Variants in LIMCH1 observed in about 807,000 individuals in gnomAD.
The protein encoded by LIMCH1 is LIM and calponin homology domains-containing protein 1.
In LIMCH1, 113 loss-of-function variants were observed where a neutral mutation model predicts 176.5. That is an observed-to-expected ratio of 0.64 (90% CI 0.55 to 0.75). The LOEUF (loss-of-function observed/expected upper bound fraction) is 0.75, where lower values mean the gene tolerates loss of function less well. Among genes scored for constraint, LIMCH1 ranks in the 30% least tolerant of loss-of-function variants. The pLI is 0.00. For missense variants in LIMCH1, 1,674 were observed against 1,814.9 expected (o/e 0.92, Z 1.41); for synonymous variants, 619 against 645.9 (o/e 0.96, Z 0.63).
chr4:41,452,895 G>A (rs2154147746), intron 1 of LIMCH1, among the ~76,000 whole-genome samples: 1 of 152,284 alleles, frequency 6.6e-6, no homozygotes, highest in South Asian at 2.1e-4. Context: ...GGTTCTTGAG[G>A]GTGGAGAAGA....
chr4:41,633,832 T>C (rs2093447932), intron 13 of LIMCH1, 24 bp downstream of exon 13: 1 of 1,530,332 alleles, frequency 6.5e-7, no homozygotes, highest in Admixed American at 2.0e-5. Flanking sequence ...TCTGTGCCCT[T>C]GTGACTTTGT....
At chr4:41,671,634 G>A (rs767432039) in intron 22 of LIMCH1, 40 bp downstream of exon 22, 2 of 1,433,150 alleles carry the variant, frequency 1.4e-6, no homozygotes, top group Non-Finnish European at 2.0e-6. Context: ...ATGAGTTAGT[G>A]TGATTTTAAT....
intron 1 of LIMCH1, among the ~76,000 whole-genome samples, chr4:41,463,668 T>A (rs1158639008): frequency 6.6e-6 from 1 of 151,546 alleles, no homozygotes; most frequent in Non-Finnish European, 1.5e-5. Context: ...CCCCATTTCC[T>A]CAGCTCAGGC....
chr4:41,370,754 T>C (rs2053840616), intron 1 of LIMCH1, among the ~76,000 whole-genome samples: 1 of 152,208 alleles, frequency 6.6e-6, no homozygotes, highest in Non-Finnish European at 1.5e-5. Flanking sequence ...ACTTACCATG[T>C]ACAAGCGGTA....
At chr4:41,487,579 A>G (rs2069848489) in intron 1 of LIMCH1, among the ~76,000 whole-genome samples, 1 of 151,900 alleles carries the variant, frequency 6.6e-6, no homozygotes, top group Non-Finnish European at 1.5e-5. Context: ...GTGGCTATGC[A>G]TTACATACTA....
intron 1 of LIMCH1, among the ~76,000 whole-genome samples, chr4:41,560,309 G>A (rs1204016155): frequency 1.3e-5 from 2 of 152,116 alleles, no homozygotes; most frequent in East Asian, 1.9e-4. Flanking sequence ...TCAAAGCACA[G>A]TGGGGATTCT....
chr4:41,678,052 A>G (rs1712417735), intron 23 of LIMCH1, among the ~76,000 whole-genome samples: 2 of 151,982 alleles, frequency 1.3e-5, no homozygotes, highest in Non-Finnish European at 2.9e-5. Flanking sequence ...CGTCACCTAC[A>G]TTAGGTATTT....
intron 1 of LIMCH1, among the ~76,000 whole-genome samples, chr4:41,419,366 C>T (rs150253186): frequency 0.056 from 8,565 of 151,742 alleles, 666 homozygotes; most frequent in African/African-American, 0.17. Context: ...TTAGTAGAGA[C>T]GGGGTTTCAC....
intron 4 of LIMCH1, chr4:41,612,768 C>A: frequency 1.3e-6 from 1 of 778,278 alleles, no homozygotes; most frequent in South Asian, 1.8e-5. Flanking sequence ...TCCCCCAGCG[C>A]CAAGAGCTGG....
chr4:41,492,423 G>A (rs1583070142), intron 1 of LIMCH1, among the ~76,000 whole-genome samples: 1 of 150,904 alleles, frequency 6.6e-6, no homozygotes, highest in Non-Finnish European at 1.5e-5. Context: ...CCACAAGAGA[G>A]GGAGCCCAGA....
chr4:41,504,427 A>G (rs952345064), intron 2 of LIMCH1, among the ~76,000 whole-genome samples: 2 of 152,208 alleles, frequency 1.3e-5, no homozygotes, highest in Non-Finnish European at 2.9e-5. Flanking sequence ...GATGCTATTG[A>G]TGTCATCAGA....
intron 1 of LIMCH1, among the ~76,000 whole-genome samples, chr4:41,577,155 C>T (rs2084625415): frequency 6.6e-6 from 1 of 151,508 alleles, no homozygotes; most frequent in African/African-American, 2.4e-5. Flanking sequence ...GATGACTGTA[C>T]ACCAAATACT....
At chr4:41,657,273 AG>A (rs2094490610) in intron 18 of LIMCH1, among the ~76,000 whole-genome samples, 2 of 152,246 alleles carry the variant, frequency 1.3e-5, no homozygotes, top group Admixed American at 1.3e-4. Context: ...CTGTAACCAA[AG>A]AAAAATACAG....
chr4:41,443,664 T>C (rs756877633), intron 1 of LIMCH1, among the ~76,000 whole-genome samples: 10 of 152,190 alleles, frequency 6.6e-5, no homozygotes, highest in Non-Finnish European at 1.5e-4. Flanking sequence ...ATGGCTAAAC[T>C]CTTTTCTGTA....
At chr4:41,573,755 A>G (rs2083956596) in intron 1 of LIMCH1, among the ~76,000 whole-genome samples, 1 of 152,186 alleles carries the variant, frequency 6.6e-6, no homozygotes, top group Non-Finnish European at 1.5e-5. Context: ...AAGTTGCTAG[A>G]TCAAAGAAAA....
intron 1 of LIMCH1, among the ~76,000 whole-genome samples, chr4:41,431,748 A>T (rs2061624453): frequency 6.6e-6 from 1 of 152,208 alleles, no homozygotes. Context: ...ATATAGACTG[A>T]ATCCTCTACA....
At chr4:41,614,882 C>T (rs903071339) in intron 5 of LIMCH1, among the ~76,000 whole-genome samples, 2 of 152,298 alleles carry the variant, frequency 1.3e-5, no homozygotes, top group African/African-American at 4.8e-5. Flanking sequence ...AATCTATGCT[C>T]TTAAGCTTAA....
chr4:41,697,309 T>C lies in LIMCH1; in HGVS notation c.*124T>C. ...TTACCTAATTTCTGAAAGGCTCTTC[T>C]GAAAGGTGGTATCTGTTCTTTCGTA... On this transcript the variant is annotated 3_prime_UTR_variant, in exon 32 of 32. Transcript: ENST00000503057. 2.5e-6 allele frequency: 2 copies of C among 812,872 alleles called. No homozygotes were observed. The highest frequency in any genetic ancestry group is 1.5e-5 in the South Asian group (1 of 65,206). 50.4% of individuals were successfully genotyped at this position (812,872 alleles called of 1,614,324 possible). A position where few individuals can be genotyped will look rare whatever the true frequency, so the allele number is the denominator to read the frequency against.
chr4:41,659,225 A>T (rs899626169), intron 18 of LIMCH1, among the ~76,000 whole-genome samples: 2 of 152,182 alleles, frequency 1.3e-5, no homozygotes, highest in Non-Finnish European at 2.9e-5. Flanking sequence ...TTCAAGTCAG[A>T]CTTATTGATA....
Sources: gnomAD v4.1 joint callset for allele counts (sites outside exome capture counted in the v4.1 genomes callset) on GRCh38, gnomAD v4.1.1 for gene constraint, MANE v1.5 for transcripts, NCBI Gene and HGNC (gene_info 2026-07-23, HGNC 2026-07-21) for gene names.